ZNF723: variants seen among roughly 807,000 people sequenced by gnomAD.
ZNF723 encodes the protein zinc finger protein 723.
ZNF723 carries 5 observed loss-of-function variants against 9.4 expected under a neutral mutation model. The observed-to-expected ratio is 0.53, with a 90% CI of 0.28 to 1.12. The LOEUF (loss-of-function observed/expected upper bound fraction) is 1.12. Among genes scored for constraint, ZNF723 ranks in the 50% most tolerant of loss-of-function variants. ZNF723 has a pLI of 0.10. For synonymous variants in ZNF723, 158 were observed against 168.8 expected (o/e 0.94, Z 0.49); for missense variants, 450 against 501.5 (o/e 0.90, Z 0.98).
At chr19:22,831,741 C>G, upstream of ZNF723, among the ~76,000 whole-genome samples, 1 of 151,592 alleles carries the variant, frequency 6.6e-6, no homozygotes, top group East Asian at 2.0e-4. Flanking sequence ...AACCCCGTCT[C>G]TACTAAAAGT....
chr19:22,815,864 A>G, the ZNF723 span, among the ~76,000 whole-genome samples: 1 of 152,218 alleles, frequency 6.6e-6, no homozygotes, highest in African/African-American at 2.4e-5. Flanking sequence ...GAATCCCATC[A>G]ACTGTTAAGA....
intron 1 of ZNF723, among the ~76,000 whole-genome samples, chr19:22,832,727 C>A (rs1224442092): frequency 6.6e-6 from 1 of 152,150 alleles, no homozygotes; most frequent in East Asian, 1.9e-4. Flanking sequence ...TGAATGGGAG[C>A]AGCTTTGGTC....
the ZNF723 span, among the ~76,000 whole-genome samples, chr19:22,818,630 G>T: frequency 6.6e-6 from 1 of 152,178 alleles, no homozygotes; most frequent in Admixed American, 6.5e-5. Context: ...TCATATCTAT[G>T]GACTTTCTTG....
At chr19:22,827,328 G>A (rs995510865), upstream of ZNF723, among the ~76,000 whole-genome samples, 3 of 152,206 alleles carry the variant, frequency 2.0e-5, no homozygotes, top group Non-Finnish European at 4.4e-5. Flanking sequence ...AGGCTGCTTG[G>A]TTGAAATGAG....
In ZNF723 at chr19:22,858,251, A is replaced by G; in HGVS notation, c.1360A>G (p.Lys454Glu). 7.5e-7 allele frequency: 1 copy of G among 1,339,404 alleles called. No individual in the cohort carries two copies. Among genetic ancestry groups the G allele is most frequent in the South Asian group, 1.2e-5 (1 of 85,152 alleles). 83.0% of individuals were successfully genotyped at this position (1,339,404 alleles called of 1,614,324 possible). ...KIIHTKEKPYKCEECGKAFNQ... is the reference protein window; with the variant it reads ...KIIHTKEKPYECEECGKAFNQ... ...AATTCATACTAAAGAGAAACCCTAC[A>G]AATGTGAAGAATGTGGCAAAGCTTT... The change falls in exon 4 of 4, where the codon AAA becomes GAA. Residue 454 changes from lysine (K) to glutamate (E), a missense_variant. By Grantham distance (56) the Lys-to-Glu change is moderately conservative (BLOSUM62 1). Around this residue, in one of 5 missense-constraint regions of ZNF723, gnomAD observed 237 missense variants for 332.2 expected, o/e 0.71. Transcript: ENST00000600766.
rs898643617 is a variant in ZNF723 at position 22,857,388 on chromosome 19, G to A, written c.497G>A (p.Arg166Lys). 86 of 837,790 alleles carry A rather than the reference G, an allele frequency of 1.0e-4. No homozygotes were observed. Among genetic ancestry groups the A allele is most frequent in the Non-Finnish European group, 1.5e-4 (72 of 478,710 alleles). The allele number at this position is 837,790 out of a possible 1,614,324, so 51.9% of individuals were successfully genotyped here. ...TCAAGTTCAAATAGCCAGAAGATAA[G>A]ACATACTGGAAATAATTCTTTCAAA... is the stretch of plus-strand genomic sequence containing the variant. Reference protein sequence around the residue: ...KFSSSNSQKIRHTGNNSFKCK... With the variant: ...KFSSSNSQKIKHTGNNSFKCK... Residue 166 changes from arginine to lysine, a missense_variant, in exon 4 of 4, where the codon AGA becomes AAA. Arg to Lys is a conservative substitution (Grantham distance 26). Coordinates refer to ENST00000600766, the MANE Select transcript of ZNF723 (RefSeq NM_001349726.2).
In ZNF723 at chr19:22,857,107, A is replaced by G. The variant is rs552673146; in HGVS notation, c.227-11A>G. ...TAAGATGAAGTAATTTGTTATTTCT[A>G]TTTTTTTCAGTTGTGTGTTCTCATT... On this transcript the variant is annotated splice_polypyrimidine_tract_variant and intron_variant, in intron 3 of 3. Coordinates refer to ENST00000600766, the MANE Select transcript of ZNF723 (RefSeq NM_001349726.2). 108 of 874,086 alleles carry G rather than the reference A, an allele frequency of 1.2e-4. No individual in the cohort carries two copies. Among genetic ancestry groups the G allele is most frequent in the Non-Finnish European group, 1.6e-4 (90 of 573,522 alleles). 54.1% of individuals were successfully genotyped at this position (874,086 alleles called of 1,614,324 possible). A position where few individuals can be genotyped will look rare whatever the true frequency, so the allele number is the denominator to read the frequency against.
At chr19:22,837,779 C>A (rs774474425) in intron 1 of ZNF723, among the ~76,000 whole-genome samples, 6 of 152,194 alleles carry the variant, frequency 3.9e-5, no homozygotes, top group East Asian at 3.8e-4. Flanking sequence ...GCACCACCCT[C>A]AAAAATTTAA....
chr19:22,831,489 G>A (rs1400677519), upstream of ZNF723, among the ~76,000 whole-genome samples: 4 of 151,406 alleles, frequency 2.6e-5, no homozygotes, highest in East Asian at 2.0e-4. Flanking sequence ...ACTGGGAGGC[G>A]GAGGTTGCAG....
upstream of ZNF723, among the ~76,000 whole-genome samples, chr19:22,829,044 G>C (rs1177154720): frequency 6.6e-6 from 1 of 151,908 alleles, no homozygotes; most frequent in Non-Finnish European, 1.5e-5. Flanking sequence ...ATGGTGGCAG[G>C]CACCTGTAAT....
intron 1 of ZNF723, among the ~76,000 whole-genome samples, chr19:22,836,710 C>T (rs1967172754): frequency 6.6e-6 from 1 of 152,096 alleles, no homozygotes; most frequent in South Asian, 2.1e-4. Flanking sequence ...CTATTTTGAC[C>T]ACTGAAGACA....
chr19:22,842,303 G>C (rs1967257759), intron 1 of ZNF723, among the ~76,000 whole-genome samples: 1 of 152,058 alleles, frequency 6.6e-6, no homozygotes, highest in Non-Finnish European at 1.5e-5. Context: ...CACTGCGCCT[G>C]GTCCTGAACT....
chr19:22,825,992 T>A, the ZNF723 span, among the ~76,000 whole-genome samples: 1 of 152,126 alleles, frequency 6.6e-6, no homozygotes, highest in Non-Finnish European at 1.5e-5. Flanking sequence ...TTAGCCTTGC[T>A]CACAGGGGAC....
the ZNF723 span, among the ~76,000 whole-genome samples, chr19:22,822,999 T>C: frequency 6.6e-6 from 1 of 152,172 alleles, no homozygotes; most frequent in Non-Finnish European, 1.5e-5. Flanking sequence ...ATTGTGACTG[T>C]TATATTTGGA....
Position 22,848,347 on chromosome 19 carries a change from GGATGT to G in ZNF723, c.96_100del (p.Met33ArgfsTer15). ...ACACTGCACAGCAGAATTTATATAG[GGATGT>G]GATGTTAGAGAACTACAGAAACCTG... On this transcript the variant is annotated frameshift_variant, in exon 2 of 4. Coordinates refer to ENST00000600766, the MANE Select transcript of ZNF723 (RefSeq NM_001349726.2). LOFTEE classifies it high-confidence loss of function. 1 of 1,472,886 alleles carries G rather than the reference GGATGT, an allele frequency of 6.8e-7. No individual in the cohort carries two copies. The highest frequency in any genetic ancestry group is 9.5e-7 in the Non-Finnish European group (1 of 1,057,472). The allele number at this position is 1,472,886 out of a possible 1,614,324, so 91.2% of individuals were successfully genotyped here.
chr19:22,847,112 G>C (rs1432181189), intron 1 of ZNF723, among the ~76,000 whole-genome samples: 1 of 148,308 alleles, frequency 6.7e-6, no homozygotes, highest in African/African-American at 2.5e-5. Context: ...GCCTCACTCT[G>C]TTGCCCAGCT....
At chr19:22,833,742 T>A (rs934693867) in intron 1 of ZNF723, among the ~76,000 whole-genome samples, 2 of 151,034 alleles carry the variant, frequency 1.3e-5, no homozygotes, top group African/African-American at 4.9e-5. Flanking sequence ...CCCGAGTAGC[T>A]GGATTATAGG....
At chr19:22,839,039 G>A (rs1428211233) in intron 1 of ZNF723, among the ~76,000 whole-genome samples, 3 of 151,948 alleles carry the variant, frequency 2.0e-5, no homozygotes, top group East Asian at 3.9e-4. Flanking sequence ...GAGCCACCAC[G>A]CCCGGCCTTC....
the ZNF723 span, among the ~76,000 whole-genome samples, chr19:22,816,104 A>G: frequency 1.3e-5 from 2 of 152,232 alleles, no homozygotes. Flanking sequence ...TCATGGGTCT[A>G]TATGAGCACA....
Sources: gnomAD v4.1 joint callset for allele counts (sites outside exome capture counted in the v4.1 genomes callset) on GRCh38, gnomAD v4.1.1 for gene constraint, gnomAD v4.1.1 regional missense constraint, MANE v1.5 for transcripts, NCBI Gene and HGNC (gene_info 2026-07-23, HGNC 2026-07-21) for gene names.